The following ZNF274 variants were observed in gnomAD, a reference collection of about 807,000 sequenced individuals.
The protein encoded by ZNF274 is zinc finger protein 274, also known as neurotrophin receptor-interacting factor homolog.
In ZNF274, 23 loss-of-function variants were observed where a neutral mutation model predicts 42.5. The ratio of observed to expected loss-of-function variants is 0.54; its 90% confidence interval spans 0.39 to 0.77. The LOEUF (loss-of-function observed/expected upper bound fraction) is 0.77, where lower values mean the gene tolerates loss of function less well. Ranked by LOEUF, ZNF274 falls within the 30% of genes least tolerant of loss-of-function variation. ZNF274 has a pLI of 0.00. For synonymous variants in ZNF274, 292 were observed against 305.4 expected, an observed-to-expected ratio of 0.96 and a Z score of 0.46; for missense variants, 679 against 806.5, an observed-to-expected ratio of 0.84 and a Z score of 1.91.
chr19:58,188,725 A>ATATATATATATATATATATATATAT (rs1555816952), intron 4 of ZNF274, among the ~76,000 whole-genome samples: 1 of 54,966 alleles, frequency 1.8e-5, no homozygotes, highest in Non-Finnish European at 3.6e-5. Context: ...TATATATATA[A>ATATATATATATATATATATATATAT]ATCTTTAAAA....
chr19:58,186,531 G>C (rs1392793417), intron 3 of ZNF274, among the ~76,000 whole-genome samples: 5 of 44,324 alleles, frequency 1.1e-4, no homozygotes, highest in African/African-American at 5.5e-4. Flanking sequence ...GCAAGACTCC[G>C]TCTCAAAAAA....
intron 4 of ZNF274, among the ~76,000 whole-genome samples, chr19:58,203,503 G>C (rs952570397): frequency 2.3e-4 from 35 of 151,592 alleles, no homozygotes; most frequent in African/African-American, 8.2e-4. Flanking sequence ...GCTTGAACCC[G>C]GGAGGCGGAG....
At chr19:58,200,396 G>C (rs1354092523) in intron 4 of ZNF274, among the ~76,000 whole-genome samples, 1 of 152,216 alleles carries the variant, frequency 6.6e-6, no homozygotes, top group Non-Finnish European at 1.5e-5. Flanking sequence ...TGATAGACAT[G>C]ATAAATTAAT....
At chr19:58,190,258 G>A (rs186788093) in intron 4 of ZNF274, among the ~76,000 whole-genome samples, 5 of 147,610 alleles carry the variant, frequency 3.4e-5, no homozygotes, top group South Asian at 2.1e-4. Context: ...AGTGATTCTC[G>A]TGCCTCAGCC....
At chr19:58,196,809 C>T (rs1328362236) in intron 4 of ZNF274, among the ~76,000 whole-genome samples, 1 of 152,124 alleles carries the variant, frequency 6.6e-6, no homozygotes, top group African/African-American at 2.4e-5. Context: ...TGTCTTTGCC[C>T]TCTTTAATGT....
rs1680189928 is a variant in ZNF274 at position 58,212,466 on chromosome 19, G to C, written c.1285G>C (p.Ala429Pro). Residue 429 changes from alanine to proline, a missense_variant, in exon 8 of 8, where the codon GCA (alanine) becomes CCA (proline). By Grantham distance (27) the Ala-to-Pro change is conservative. This residue lies in a region of ZNF274 where 456 missense variants were observed against 590.1 expected (regional missense o/e 0.77). Transcript: ENST00000617501. The surrounding 1 kb of genome is among the most constrained non-coding windows in gnomAD (Gnocchi z 4.6). ...LQKIDNPESQ[A>P]NSGALDTNQV... Reference sequence around the variant, plus strand: ...GAAAATTGACAACCCTGAGTCCCAGGCAAACAGTGGCGCTCTTGACACAAA... The same window carrying C: ...GAAAATTGACAACCCTGAGTCCCAGCCAAACAGTGGCGCTCTTGACACAAA... 6.2e-7 allele frequency: 1 copy of C among 1,613,382 alleles called. No homozygotes were observed. Among genetic ancestry groups the C allele is most frequent in the African/African-American group, 1.3e-5 (1 of 74,744 alleles).
Position 58,212,779 on chromosome 19 carries a change from G to T in ZNF274, c.1598G>T (p.Arg533Met). 6.2e-7 allele frequency: 1 copy of T among 1,614,026 alleles called. No individual in the cohort carries two copies. The highest frequency in any genetic ancestry group is 1.1e-5 in the South Asian group (1 of 91,090). The change falls in exon 8 of 8, where the codon AGG becomes ATG. Residue 533 changes from arginine (R) to methionine (M), a missense_variant. This residue lies in a region of ZNF274 where 456 missense variants were observed against 590.1 expected (regional missense o/e 0.77). Transcript: ENST00000617501. The surrounding 1 kb of genome is among the most constrained non-coding windows in gnomAD (Gnocchi z 4.6). ...CATAAGAAAATCCATACCGGAGAGA[G>T]GCCCTATGTGTGTCAAGACTGTGGG... ...SVHKKIHTGE[R>M]PYVCQDCGKG... is the part of the protein sequence containing the mutation.
chr19:58,186,331 C>T (rs1174510309), intron 3 of ZNF274, among the ~76,000 whole-genome samples: 1 of 151,852 alleles, frequency 6.6e-6, no homozygotes, highest in Non-Finnish European at 1.5e-5. Flanking sequence ...GCAGGCAGAT[C>T]AGTTGAGGTC....
At chr19:58,203,175 A>C (rs1285953060) in intron 4 of ZNF274, among the ~76,000 whole-genome samples, 2 of 151,898 alleles carry the variant, frequency 1.3e-5, no homozygotes, top group East Asian at 1.9e-4. Context: ...GCCCCCCCCC[A>C]GGAAGTACAG....
intron 4 of ZNF274, among the ~76,000 whole-genome samples, chr19:58,199,893 CTTATTT>C (rs1334075855): frequency 1.3e-5 from 2 of 152,180 alleles, no homozygotes; most frequent in African/African-American, 4.8e-5. Context: ...GAAGTATTAA[CTTATTT>C]TGAGGGCTTA....
chr19:58,204,630 T>C (rs2075960483), intron 4 of ZNF274, among the ~76,000 whole-genome samples: 1 of 152,194 alleles, frequency 6.6e-6, no homozygotes, highest in Non-Finnish European at 1.5e-5. Flanking sequence ...AGTAATTTTC[T>C]GCTCTGCGAC....
chr19:58,183,868 C>T, intron 1 of ZNF274, 53 bp from the exon 2 acceptor site: 1 of 1,294,098 alleles, frequency 7.7e-7, no homozygotes, highest in Non-Finnish European at 1.1e-6. Context: ...TGCGGTAGCT[C>T]CCCAGCGGAC....
chr19:58,209,940 C>G, intron 5 of ZNF274, 21 bp from the exon 6 acceptor site: 1 of 1,596,252 alleles, frequency 6.3e-7, no homozygotes, highest in Non-Finnish European at 8.6e-7. Context: ...CTGACCTCCT[C>G]TGGCTGGTGT....
chr19:58,212,717 T>C lies in ZNF274; in HGVS notation c.1536T>C (p.Cys512=). Residue 512 remains cysteine, a synonymous_variant, in exon 8 of 8, where the codon TGT becomes TGC. Coordinates refer to ENST00000617501, the MANE Select transcript of ZNF274 (RefSeq NM_133502.3). This position sits in a 1 kb window ranked among gnomAD's most constrained non-coding sequence, Gnocchi z 4.6. ...KGSQVCRCSE[C]GKIFRNPRYF... ...GCCAAGTTTGCCGATGCAGTGAATG[T>C]GGTAAAATATTCCGGAACCCAAGAT... 6.2e-7 allele frequency: 1 copy of C among 1,613,996 alleles called. No individual in the cohort carries two copies. The highest frequency in any genetic ancestry group is 8.5e-7 in the Non-Finnish European group (1 of 1,179,896).
chr19:58,201,227 G>C (rs190384392), intron 4 of ZNF274, among the ~76,000 whole-genome samples: 114 of 148,296 alleles, frequency 7.7e-4, no homozygotes, highest in Non-Finnish European at 1.0e-3. Flanking sequence ...GCCCAGGCCG[G>C]TCTAGAACTC....
intron 6 of ZNF274, 89 bp downstream of exon 6, chr19:58,210,162 C>T (rs1259449886): frequency 1.2e-5 from 12 of 981,780 alleles, no homozygotes; most frequent in Non-Finnish European, 1.7e-5. Context: ...CTGGGCTTTC[C>T]TAAGACCTCC....
At chr19:58,204,475 G>A (rs2075957061) in intron 4 of ZNF274, among the ~76,000 whole-genome samples, 1 of 152,100 alleles carries the variant, frequency 6.6e-6, no homozygotes, top group Non-Finnish European at 1.5e-5. Context: ...TTGTGGCCTC[G>A]CATTCCTGAG....
At chr19:58,188,684 A>ATGTATATG (rs2075736564) in intron 4 of ZNF274, among the ~76,000 whole-genome samples, 2 of 69,528 alleles carry the variant, frequency 2.9e-5, no homozygotes, top group African/African-American at 1.2e-4. Flanking sequence ...GTGTATATAT[A>ATGTATATG]TATGTATATG....
At chr19:58,199,432 G>GT (rs1266439100) in intron 4 of ZNF274, among the ~76,000 whole-genome samples, 1 of 152,110 alleles carries the variant, frequency 6.6e-6, no homozygotes, top group Middle Eastern at 3.2e-3. Flanking sequence ...GCTTGGCCAG[G>GT]TATGGTGGCT....
Sources: allele counts gnomAD v4.1 joint callset (sites outside exome capture counted in the v4.1 genomes callset), GRCh38; gene constraint gnomAD v4.1.1; regional missense constraint gnomAD v4.1.1; non-coding constraint Gnocchi (gnomAD v3.1); transcripts MANE v1.5; gene names NCBI Gene and HGNC (gene_info 2026-07-23, HGNC 2026-07-21).